The following SPTB variants were observed in gnomAD, a reference collection of about 807,000 sequenced individuals.
SPTB encodes the protein spectrin beta chain, erythrocytic.
Under a neutral mutation model 256.2 loss-of-function variants are expected in SPTB, and 45 were observed. That is an observed-to-expected ratio of 0.18 (90% CI 0.14 to 0.23). The LOEUF (loss-of-function observed/expected upper bound fraction) is 0.23. SPTB is among the 10% of genes least tolerant of loss of function. The pLI, the probability that SPTB is intolerant of heterozygous loss-of-function variation, is 1.00. For synonymous variants in SPTB, 1,231 were observed against 1,243.1 expected (o/e 0.99, Z 0.21); for missense variants, 2,715 against 3,040.4 (o/e 0.89, Z 2.52).
Position 64,803,798 on chromosome 14 carries a change from C to T in SPTB, c.301-18G>A, listed in dbSNP as rs116588454. On this transcript the variant is annotated intron_variant, in intron 3 of 35. Transcript: ENST00000644917. ...GGCTTTGGCTGGGGGACAGCAGTGG[C>T]CCCCGTGGGCATGGAGGGACTGCAC... 1,225 of 1,593,608 alleles carry T rather than the reference C, an allele frequency of 7.7e-4. 12 individuals are homozygous for T. The African/African-American group carries it at 0.013, about 17-fold the overall frequency.
Position 64,795,622 on chromosome 14 carries a change from G to A in SPTB, c.1359C>T (p.Asp453=), listed in dbSNP as rs200407185. Residue 453 remains aspartate, a synonymous_variant, in exon 12 of 36, where the codon GAC becomes GAT. Transcript: ENST00000644917. This position sits in a 1 kb window ranked among gnomAD's most constrained non-coding sequence, Gnocchi z 6.5. ...TCTTGGCGGCCTCCACAGCTGCCAG[G>A]TCATACCCAAAGTTATCCTGCCCCA... ...RLVAQDNFGY[D]LAAVEAAKKK... 28 of 1,613,972 alleles carry A rather than the reference G, an allele frequency of 1.7e-5. No homozygotes were observed. Among genetic ancestry groups the A allele is most frequent in the Non-Finnish European group, 2.2e-5 (26 of 1,180,016 alleles).
At chr14:64,766,970 T>A (rs2082195251) in intron 31 of SPTB, among the ~76,000 whole-genome samples, 169 bp from the exon 32 acceptor site, 1 of 152,050 alleles carries the variant, frequency 6.6e-6, no homozygotes, top group South Asian at 2.1e-4. Flanking sequence ...AGCGACTTCT[T>A]CGGAAAAGCC....
intron 1 of SPTB, among the ~76,000 whole-genome samples, chr14:64,833,676 T>A (rs891186371): frequency 1.3e-5 from 2 of 152,342 alleles, no homozygotes; most frequent in Non-Finnish European, 2.9e-5. Flanking sequence ...CTTGCCATAC[T>A]GTAGCATCAT....
chr14:64,835,899 G>C (rs1044518735), intron 1 of SPTB, among the ~76,000 whole-genome samples: 1 of 152,184 alleles, frequency 6.6e-6, no homozygotes, highest in Non-Finnish European at 1.5e-5. Context: ...TAGCAGTGAT[G>C]TGTTCTTCTA....
chr14:64,769,095 C>A lies in SPTB; in HGVS notation c.5961G>T (p.Val1987=), dbSNP rs1157443447. 6.2e-7 allele frequency: 1 copy of A among 1,613,758 alleles called. No individual in the cohort carries two copies. Among genetic ancestry groups the A allele is most frequent in the African/African-American group, 1.3e-5 (1 of 74,932 alleles). The part of the protein sequence containing the change: ...SEEIREKLQQ[V]MSRRKEMNEK... ...CATTCATCTCTTTCCTCCTGGACAT[C>A]ACCTGCTGCAGTTTCTCGCGGATCT... is the stretch of plus-strand genomic sequence containing the variant. Residue 1987 remains valine (V), a synonymous_variant, in exon 29 of 36, where the codon GTG becomes GTT. Coordinates refer to ENST00000644917, the MANE Select transcript of SPTB (RefSeq NM_001355436.2).
Position 64,785,440 on chromosome 14 carries a change from G to C in SPTB, c.3855+97C>G. 2 of 1,118,028 alleles carry C rather than the reference G, an allele frequency of 1.8e-6. No individual in the cohort carries two copies. Among genetic ancestry groups the C allele is most frequent in the Non-Finnish European group, 2.6e-6 (2 of 755,930 alleles). The allele number at this position is 1,118,028 out of a possible 1,614,324, so 69.3% of individuals were successfully genotyped here. On this transcript the variant is annotated intron_variant, in intron 18 of 35. Coordinates refer to ENST00000644917, the MANE Select transcript of SPTB (RefSeq NM_001355436.2). The surrounding 1 kb of genome is among the most constrained non-coding windows in gnomAD (Gnocchi z 4.4). ...CCGCTCATGGAATCCCACAGCTCTTGAGCTAGAAAGGATCCCTGTGGACTT... is the reference window on the plus strand; with the variant it reads ...CCGCTCATGGAATCCCACAGCTCTTCAGCTAGAAAGGATCCCTGTGGACTT...
At chr14:64,838,079 A>G (rs1030977726) in intron 1 of SPTB, among the ~76,000 whole-genome samples, 1 of 152,248 alleles carries the variant, frequency 6.6e-6, no homozygotes. Context: ...AGACATATAT[A>G]TCAACGGAAT....
intron 2 of SPTB, among the ~76,000 whole-genome samples, chr14:64,813,623 G>A (rs967646363): frequency 8.5e-5 from 13 of 152,222 alleles, no homozygotes; most frequent in African/African-American, 2.9e-4. Flanking sequence ...CTGGGTTCAA[G>A]CAATTCTCCT....
chr14:64,804,890 G>A (rs1224352200), intron 3 of SPTB, 49 bp downstream of exon 3: 4 of 1,611,820 alleles, frequency 2.5e-6, no homozygotes, highest in Non-Finnish European at 3.4e-6. Flanking sequence ...TGCCTTTGCT[G>A]AAGAGGGGCC....
At chr14:64,804,059 G>T (rs928449279) in intron 3 of SPTB, among the ~76,000 whole-genome samples, 1 of 152,226 alleles carries the variant, frequency 6.6e-6, no homozygotes, top group South Asian at 2.1e-4. Flanking sequence ...ATTTGCTTAC[G>T]GTAACATAAC....
chr14:64,865,495 T>A (rs1401051270), intron 1 of SPTB, among the ~76,000 whole-genome samples: 2 of 152,130 alleles, frequency 1.3e-5, no homozygotes, highest in Admixed American at 1.3e-4. Flanking sequence ...AAGCTTCACC[T>A]TGAAGATGCG....
chr14:64,791,928 A>G, intron 14 of SPTB, 72 bp from the exon 15 acceptor site: 3 of 1,594,490 alleles, frequency 1.9e-6, no homozygotes, highest in Non-Finnish European at 2.6e-6. Flanking sequence ...TGGCACCCCC[A>G]GTCTCCAGAA....
chr14:64,795,271 C>T lies in SPTB; in HGVS notation c.1644+66G>A. On this transcript the variant is annotated intron_variant, in intron 12 of 35. Transcript: ENST00000644917. The surrounding 1 kb of genome is among the most constrained non-coding windows in gnomAD (Gnocchi z 6.5). The stretch of plus-strand genomic sequence containing the variant: ...AGGTGTCTAAGGAAGCCTATGCTAA[C>T]TGCAGGGCCACTGAGACCCAAGGTG... 6.3e-7 allele frequency: 1 copy of T among 1,578,756 alleles called. No individual in the cohort carries two copies. Among genetic ancestry groups the T allele is most frequent in the Non-Finnish European group, 8.6e-7 (1 of 1,163,330 alleles).
intron 19 of SPTB, 73 bp from the exon 20 acceptor site, chr14:64,782,626 G>C (rs763635122): frequency 2.5e-6 from 4 of 1,601,966 alleles, no homozygotes; most frequent in Non-Finnish European, 3.4e-6. Flanking sequence ...CCTGATGGTT[G>C]CAAGAGGCTA....
intron 1 of SPTB, among the ~76,000 whole-genome samples, chr14:64,878,175 A>G (rs1257407135): frequency 6.6e-6 from 1 of 152,188 alleles, no homozygotes; most frequent in Non-Finnish European, 1.5e-5. Context: ...CATTTTCATG[A>G]GCGTTTATGT....
chr14:64,876,609 T>G (rs192541500), intron 1 of SPTB, among the ~76,000 whole-genome samples: 41 of 152,330 alleles, frequency 2.7e-4, no homozygotes, highest in Middle Eastern at 3.4e-3. Flanking sequence ...AGATTTCTTG[T>G]CTCTAGATCG....
intron 24 of SPTB, among the ~76,000 whole-genome samples, chr14:64,773,917 G>A (rs1363542688): frequency 2.6e-5 from 4 of 152,168 alleles, no homozygotes; most frequent in Admixed American, 6.5e-5. Context: ...CCATGGCTGG[G>A]GGCAGTGTGT....
chr14:64,798,864 A>G (rs1045679386), intron 9 of SPTB, among the ~76,000 whole-genome samples: 1 of 152,238 alleles, frequency 6.6e-6, no homozygotes, highest in Non-Finnish European at 1.5e-5. Context: ...AGAAGGTACC[A>G]TCAATGAGCT....
At chr14:64,851,076 G>A (rs2083776685) in intron 1 of SPTB, among the ~76,000 whole-genome samples, 1 of 152,214 alleles carries the variant, frequency 6.6e-6, no homozygotes, top group South Asian at 2.1e-4. Context: ...TGCCCTGTTA[G>A]CCACTTTTAG....
Sources: allele counts gnomAD v4.1 joint callset (sites outside exome capture counted in the v4.1 genomes callset), GRCh38; gene constraint gnomAD v4.1.1; non-coding constraint Gnocchi (gnomAD v3.1); transcripts MANE v1.5; gene names NCBI Gene and HGNC (gene_info 2026-07-23, HGNC 2026-07-21).